The following C6orf52 variants were observed in gnomAD, a reference collection of about 807,000 sequenced individuals.
The protein encoded by C6orf52 is putative uncharacterized protein C6orf52.
C6orf52 carries 16 observed loss-of-function variants against 16.6 expected under a neutral mutation model. That is an observed-to-expected ratio of 0.96 (90% confidence interval 0.65 to 1.46). The LOEUF (loss-of-function observed/expected upper bound fraction) is 1.46, where lower values mean the gene tolerates loss of function less well. C6orf52 is among the 40% of genes most tolerant of loss of function. The pLI, the probability that C6orf52 is intolerant of heterozygous loss-of-function variation, is 0.00. For synonymous variants in C6orf52, 53 were observed against 61.4 expected (o/e 0.86, Z 0.64); for missense variants, 166 against 182.3 (o/e 0.91, Z 0.52).
At chr6:10,680,162 G>A (rs980129291) in intron 4 of C6orf52, among the ~76,000 whole-genome samples, 12 of 152,118 alleles carry the variant, frequency 7.9e-5, no homozygotes, top group Non-Finnish European at 1.3e-4. Flanking sequence ...GCTGAGATGG[G>A]AGGATTGCTT....
At chr6:10,677,044 C>T (rs1200828212) in intron 4 of C6orf52, among the ~76,000 whole-genome samples, 1 of 152,098 alleles carries the variant, frequency 6.6e-6, no homozygotes, top group Non-Finnish European at 1.5e-5. Flanking sequence ...TCTATTTTTG[C>T]GTTTGCTGCC....
intron 1 of C6orf52, among the ~76,000 whole-genome samples, chr6:10,693,731 A>C (rs888420075): frequency 6.6e-6 from 1 of 151,866 alleles, no homozygotes; most frequent in Non-Finnish European, 1.5e-5. Context: ...TTATTAAATA[A>C]AACTTTTTTT....
intron 1 of C6orf52, among the ~76,000 whole-genome samples, chr6:10,689,661 T>C (rs746978752): frequency 2.0e-5 from 3 of 152,064 alleles, no homozygotes; most frequent in Admixed American, 6.6e-5. Context: ...GGTATTTGCT[T>C]AGCTGGAGGG....
At chr6:10,685,640 GA>G (rs1388237176) in intron 3 of C6orf52, among the ~76,000 whole-genome samples, 1 of 152,278 alleles carries the variant, frequency 6.6e-6, no homozygotes, top group East Asian at 1.9e-4. Context: ...TCTAACATGT[GA>G]ATATCTTATG....
At chr6:10,680,608 G>A (rs1413725480) in intron 4 of C6orf52, among the ~76,000 whole-genome samples, 1 of 151,890 alleles carries the variant, frequency 6.6e-6, no homozygotes, top group Non-Finnish European at 1.5e-5. Context: ...TAAATATCTG[G>A]GGGCTGGGCA....
intron 2 of C6orf52, 148 bp downstream of exon 2, chr6:10,687,332 T>C: frequency 1.3e-6 from 1 of 754,452 alleles, no homozygotes; most frequent in Non-Finnish European, 2.2e-6. Flanking sequence ...CCATGGCACG[T>C]GTATACCTAT....
At chr6:10,677,171 T>A (rs950596347) in intron 4 of C6orf52, among the ~76,000 whole-genome samples, 1 of 152,250 alleles carries the variant, frequency 6.6e-6, no homozygotes, top group Non-Finnish European at 1.5e-5. Context: ...AAGTCTTTAA[T>A]CTATTTTGAG....
chr6:10,673,949 T>C (rs1767645634), intron 4 of C6orf52, among the ~76,000 whole-genome samples: 1 of 152,188 alleles, frequency 6.6e-6, no homozygotes, highest in African/African-American at 2.4e-5. Context: ...TGGAATAATA[T>C]CTTGGATATT....
At chr6:10,672,307 G>A (rs1767503578) in intron 4 of C6orf52, among the ~76,000 whole-genome samples, 1 of 152,082 alleles carries the variant, frequency 6.6e-6, no homozygotes, top group Non-Finnish European at 1.5e-5. Context: ...TTAGTTCCTT[G>A]AGGATCATAA....
intron 4 of C6orf52, among the ~76,000 whole-genome samples, chr6:10,672,305 T>C (rs1387138497): frequency 6.6e-6 from 1 of 152,222 alleles, no homozygotes. Flanking sequence ...CCTTAGTTCC[T>C]TGAGGATCAT....
intron 1 of C6orf52, among the ~76,000 whole-genome samples, chr6:10,693,201 C>T (rs1769507367): frequency 6.6e-6 from 1 of 152,178 alleles, no homozygotes; most frequent in South Asian, 2.1e-4. Flanking sequence ...CCAACGGATG[C>T]AGGACACAGC....
In C6orf52 at chr6:10,687,511, G is replaced by T. The variant is rs1460571167; in HGVS notation, c.40C>A (p.Gln14Lys). Residue 14 changes from glutamine to lysine, a missense_variant, in exon 2 of 5, where the codon CAA becomes AAA. Gln to Lys is a moderately conservative substitution (Grantham distance 53). Coordinates refer to ENST00000259983, the MANE Select transcript of C6orf52 (RefSeq NM_001145020.3). ...CAGTAGCAGTAATAGTTATTTTGTT[G>T]AGCTATGCCAAAATCTGCAGAACTC... is the stretch of plus-strand genomic sequence containing the variant. Reference protein sequence around the residue: ...PESSADFGIAQQNNYYCYWQS... With the variant: ...PESSADFGIAKQNNYYCYWQS... 1.3e-6 allele frequency: 2 copies of T among 1,550,866 alleles called. No homozygotes were observed. The highest frequency in any genetic ancestry group is 1.2e-5 in the South Asian group (1 of 84,046).
intron 1 of C6orf52, 118 bp from the exon 2 acceptor site, chr6:10,687,679 T>A (rs1343023127): frequency 2.3e-5 from 16 of 683,426 alleles, no homozygotes; most frequent in Non-Finnish European, 4.2e-5. Context: ...ATAATTACAT[T>A]TAGTGGCAAT....
chr6:10,671,630 T>TA, intron 4 of C6orf52, 32 bp from the exon 5 acceptor site: 1 of 1,468,624 alleles, frequency 6.8e-7, no homozygotes, highest in Non-Finnish European at 9.1e-7. Flanking sequence ...ATGAAAAAAA[T>TA]AGAGTTTTAC....
intron 3 of C6orf52, among the ~76,000 whole-genome samples, chr6:10,686,603 G>A (rs1210230834): frequency 2.0e-5 from 3 of 152,032 alleles, no homozygotes; most frequent in African/African-American, 2.4e-5. Context: ...AAAATTTATC[G>A]AATTATGATA....
intron 1 of C6orf52, among the ~76,000 whole-genome samples, chr6:10,687,795 C>T (rs1267052597): frequency 6.6e-6 from 1 of 152,124 alleles, no homozygotes; most frequent in Non-Finnish European, 1.5e-5. Context: ...ATCTGTTCCT[C>T]GGGCTTCCAC....
chr6:10,673,201 T>C lies in C6orf52; in HGVS notation c.317-1603A>G, dbSNP rs567131626. Among the ~76,000 whole-genome samples the C allele has an allele frequency of 2.6e-5, 4 of 152,368 alleles. No individual in the cohort carries two copies. In the East Asian group the frequency reaches 5.8e-4, roughly 22 times the overall value. On this transcript the variant is annotated intron_variant, in intron 4 of 4. Transcript: ENST00000259983. Reference sequence around the variant, plus strand: ...GTCTGCTAATGGGTCCCTGACTGCATGCCCCTGGTGGGGAAAGAGGAGTTA... The same window carrying C: ...GTCTGCTAATGGGTCCCTGACTGCACGCCCCTGGTGGGGAAAGAGGAGTTA...
At chr6:10,688,979 T>C (rs1769069997) in intron 1 of C6orf52, among the ~76,000 whole-genome samples, 1 of 152,066 alleles carries the variant, frequency 6.6e-6, no homozygotes, top group African/African-American at 2.4e-5. Flanking sequence ...GCCTGGCTAA[T>C]GTTTGTATTT....
chr6:10,673,732 T>C (rs982117453), intron 4 of C6orf52, among the ~76,000 whole-genome samples: 1 of 152,156 alleles, frequency 6.6e-6, no homozygotes, highest in East Asian at 1.9e-4. Flanking sequence ...GTCAAGATGG[T>C]AAATTTTATG....
Sources: allele counts gnomAD v4.1 joint callset (sites outside exome capture counted in the v4.1 genomes callset), GRCh38; gene constraint gnomAD v4.1.1; transcripts MANE v1.5; gene names NCBI Gene and HGNC (gene_info 2026-07-23, HGNC 2026-07-21).